ERBB4: variants seen among roughly 807,000 people sequenced by gnomAD.
The protein encoded by ERBB4 is erb-b2 receptor tyrosine kinase 4.
A neutral mutation model predicts 158.0 loss-of-function variants in ERBB4; 42 were observed. The ratio of observed to expected loss-of-function variants is 0.27; its 90% CI spans 0.21 to 0.34. ERBB4 has a LOEUF of 0.34. Ranked by LOEUF, ERBB4 falls within the 10% of genes least tolerant of loss-of-function variation. The probability of loss-of-function intolerance (pLI) is 1.00; values close to 1 mark genes in which losing one functional copy is unlikely to be tolerated. For synonymous variants in ERBB4, 583 were observed against 558.7 expected (o/e 1.04, Z -0.61); for missense variants, 1,333 against 1,624.1 (o/e 0.82, Z 3.08).
intron 3 of ERBB4, among the ~76,000 whole-genome samples, chr2:211,903,243 A>G (rs2079286308): frequency 6.6e-6 from 1 of 152,090 alleles, no homozygotes; most frequent in African/African-American, 2.4e-5. Flanking sequence ...ATGAATTGAG[A>G]AGCATGAAAA....
chr2:212,205,239 A>T (rs1023548716), intron 1 of ERBB4, among the ~76,000 whole-genome samples: 3 of 150,060 alleles, frequency 2.0e-5, no homozygotes, highest in Non-Finnish European at 4.5e-5. Flanking sequence ...CTGCTCACTG[A>T]AGTCTCTGCC....
chr2:211,630,536 G>C lies in ERBB4; in HGVS notation c.2005C>G (p.Leu669Val), dbSNP rs1247833542. The change falls in exon 17 of 28, where the codon CTG (leucine) becomes GTG (valine). Residue 669 changes from leucine to valine, a missense_variant. This residue lies in a region of ERBB4 where 245 missense variants were observed against 247.5 expected (regional missense o/e 0.99). Transcript: ENST00000342788. ...GGLFILVIVGLTFAVYVRRKS... is the reference protein window; with the variant it reads ...GGLFILVIVGVTFAVYVRRKS... ...CTTCTAACATAAACAGCAAATGTCA[G>C]ACCCACAATGACCAGAATGAAGAGC... is the stretch of plus-strand genomic sequence containing the variant. 1 of 1,613,100 alleles carries C rather than the reference G, an allele frequency of 6.2e-7. No individual in the cohort carries two copies. Among genetic ancestry groups the C allele is most frequent in the Non-Finnish European group, 8.5e-7 (1 of 1,179,730 alleles).
intron 20 of ERBB4, among the ~76,000 whole-genome samples, chr2:211,434,845 A>C (rs1019110422): frequency 6.6e-6 from 1 of 152,212 alleles, no homozygotes; most frequent in Non-Finnish European, 1.5e-5. Flanking sequence ...AACCATCAAA[A>C]TACATGTTTA....
intron 20 of ERBB4, among the ~76,000 whole-genome samples, chr2:211,478,189 G>C (rs1166263323): frequency 6.6e-6 from 1 of 152,106 alleles, no homozygotes; most frequent in Non-Finnish European, 1.5e-5. Context: ...AAGGTATTAG[G>C]AACACAGCAC....
chr2:211,988,611 A>C (rs2081995406), intron 2 of ERBB4, among the ~76,000 whole-genome samples: 1 of 152,096 alleles, frequency 6.6e-6, no homozygotes, highest in African/African-American at 2.4e-5. Flanking sequence ...TTACAATTGA[A>C]GATGGGAATA....
At chr2:212,012,527 G>A (rs932294458) in intron 2 of ERBB4, among the ~76,000 whole-genome samples, 1 of 147,442 alleles carries the variant, frequency 6.8e-6, no homozygotes, top group African/African-American at 2.5e-5. Flanking sequence ...GCAATTCTCC[G>A]CCTCAGCCAC....
At position 211,721,620 on chromosome 2, in the gene ERBB4, CATATATATAT is replaced by C. The variant is rs71054137; in HGVS notation, c.883+763_883+772del. Among the ~76,000 whole-genome samples, 239 of 131,896 alleles carry C rather than the reference CATATATATAT, an allele frequency of 1.8e-3. 3 individuals are homozygous for C. Among genetic ancestry groups the C allele is most frequent in the Non-Finnish European group, 2.4e-3 (153 of 63,444 alleles). The allele number at this position is 131,896 out of a possible 152,430, so 86.5% of individuals were successfully genotyped here. On this transcript the variant is annotated intron_variant, in intron 7 of 27. Coordinates refer to ENST00000342788, the MANE Select transcript of ERBB4 (RefSeq NM_005235.3). ...TATTTAAGGTTAATTTGCTATTAAACATATATATATATATATATATATATACATGTTTTGT... is the reference window on the plus strand; with the variant it reads ...TATTTAAGGTTAATTTGCTATTAAACATATATATATATATACATGTTTTGT...
At chr2:212,532,352 C>A (rs932164133) in intron 1 of ERBB4, among the ~76,000 whole-genome samples, 8 of 152,198 alleles carry the variant, frequency 5.3e-5, no homozygotes, top group African/African-American at 1.9e-4. Context: ...AAAGCTGCCT[C>A]CTCCCTGCAG....
At chr2:211,952,087 A>G (rs1011966650) in intron 2 of ERBB4, among the ~76,000 whole-genome samples, 4 of 152,208 alleles carry the variant, frequency 2.6e-5, no homozygotes, top group African/African-American at 9.6e-5. Context: ...ATGGAACTGA[A>G]GCATTTTAAA....
At chr2:211,660,765 G>A (rs896000723) in intron 15 of ERBB4, among the ~76,000 whole-genome samples, 1 of 152,186 alleles carries the variant, frequency 6.6e-6, no homozygotes, top group Non-Finnish European at 1.5e-5. Flanking sequence ...AGAGGCTGAA[G>A]ATGGAAACCC....
chr2:212,079,736 T>G (rs901196288), intron 2 of ERBB4, among the ~76,000 whole-genome samples: 7 of 152,020 alleles, frequency 4.6e-5, no homozygotes, highest in Non-Finnish European at 8.8e-5. Context: ...TTTTAAAAAG[T>G]ATGTAAATGA....
At chr2:211,930,806 T>TA (rs369007893) in intron 3 of ERBB4, among the ~76,000 whole-genome samples, 1 of 152,118 alleles carries the variant, frequency 6.6e-6, no homozygotes, top group Admixed American at 6.6e-5. Context: ...GTAGGAGGGG[T>TA]AAAAAATATA....
intron 2 of ERBB4, among the ~76,000 whole-genome samples, chr2:212,088,445 A>G (rs1219443323): frequency 6.6e-6 from 1 of 152,196 alleles, no homozygotes; most frequent in Non-Finnish European, 1.5e-5. Flanking sequence ...GGTACTAACC[A>G]TAACAAGAAT....
chr2:211,939,837 C>A (rs1254140861), intron 3 of ERBB4, among the ~76,000 whole-genome samples: 2 of 151,672 alleles, frequency 1.3e-5, no homozygotes, highest in African/African-American at 4.8e-5. Flanking sequence ...GTCCCAGCTA[C>A]TTGGGAGGTT....
At chr2:212,257,001 C>T (rs945730537) in intron 1 of ERBB4, among the ~76,000 whole-genome samples, 2 of 152,012 alleles carry the variant, frequency 1.3e-5, no homozygotes, top group African/African-American at 4.8e-5. Flanking sequence ...GTTTAGGGTA[C>T]GAATGATCCC....
At chr2:211,815,824 CAGA>C (rs977363519) in intron 3 of ERBB4, among the ~76,000 whole-genome samples, 1 of 152,148 alleles carries the variant, frequency 6.6e-6, no homozygotes, top group African/African-American at 2.4e-5. Context: ...ACAAAGTAAG[CAGA>C]AGAAGGGGGA....
At chr2:211,500,619 G>A (rs1330498724) in intron 20 of ERBB4, among the ~76,000 whole-genome samples, 4 of 151,938 alleles carry the variant, frequency 2.6e-5, no homozygotes, top group South Asian at 2.1e-4. Context: ...TCACTTTTAC[G>A]AAATGAAAAT....
intron 25 of ERBB4, among the ~76,000 whole-genome samples, chr2:211,401,607 A>G (rs931860209): frequency 2.0e-5 from 3 of 152,102 alleles, no homozygotes; most frequent in African/African-American, 7.2e-5. Context: ...TTGAACTCTC[A>G]TGCCCTGTTT....
At chr2:211,462,516 A>C (rs1559192468) in intron 20 of ERBB4, among the ~76,000 whole-genome samples, 2 of 152,158 alleles carry the variant, frequency 1.3e-5, no homozygotes, top group African/African-American at 4.8e-5. Flanking sequence ...CCAAATAGCA[A>C]CTCGCAGAAA....
Sources: gnomAD v4.1 joint callset for allele counts (sites outside exome capture counted in the v4.1 genomes callset) on GRCh38, gnomAD v4.1.1 for gene constraint, gnomAD v4.1.1 regional missense constraint, MANE v1.5 for transcripts, NCBI Gene and HGNC (gene_info 2026-07-23, HGNC 2026-07-21) for gene names.